Variants in LIMK2 observed in about 807,000 individuals in gnomAD.
LIMK2 encodes LIM domain kinase 2.
A neutral mutation model predicts 75.7 loss-of-function variants in LIMK2; 35 were observed. The ratio of observed to expected loss-of-function variants is 0.46; its 90% CI spans 0.35 to 0.61. The LOEUF (loss-of-function observed/expected upper bound fraction) is 0.61, where lower values mean the gene tolerates loss of function less well. LIMK2 is among the 20% of genes least tolerant of loss of function. LIMK2 has a pLI of 0.00. For synonymous variants in LIMK2, 301 were observed against 319.2 expected (o/e 0.94, Z 0.61); for missense variants, 623 against 831.0 (o/e 0.75, Z 3.08).
intron 11 of LIMK2, 119 bp downstream of exon 11, chr22:31,268,319 C>T (rs937237016): frequency 2.8e-5 from 23 of 821,060 alleles, no homozygotes; most frequent in Admixed American, 9.2e-5. Flanking sequence ...GGGTCAGCAG[C>T]TATTCATTGA....
At chr22:31,266,888 T>G in intron 8 of LIMK2, 96 bp from the exon 9 acceptor site, 1 of 843,180 alleles carries the variant, frequency 1.2e-6, no homozygotes, top group Non-Finnish European at 2.0e-6. Context: ...CAGTGTGCCC[T>G]CCAAGGGATG....
rs759932759 is a variant in LIMK2 at position 31,275,192 on chromosome 22, A to G, written c.1656A>G (p.Arg552=). ...QVYADPDCLP[R]TLDFGLNVKL... ...ATGCAGATCCTGACTGCCTTCCCCG[A>G]ACACTGGACTTTGGCCTCAACGTGA... The change falls in exon 15 of 16, where the codon CGA becomes CGG. Residue 552 remains arginine, a synonymous_variant. Coordinates refer to ENST00000331728, the MANE Select transcript of LIMK2 (RefSeq NM_005569.4). 2 of 1,614,168 alleles carry G rather than the reference A, an allele frequency of 1.2e-6. No individual in the cohort carries two copies. Among genetic ancestry groups the G allele is most frequent in the South Asian group, 2.2e-5 (2 of 91,086 alleles).
chr22:31,258,491 C>T, intron 3 of LIMK2, 65 bp downstream of exon 3: 1 of 1,534,162 alleles, frequency 6.5e-7, no homozygotes, highest in Non-Finnish European at 9.0e-7. Context: ...GCTTCCAGTT[C>T]CCTGTGGCCT....
At chr22:31,235,986 T>A (rs1176927219) in intron 2 of LIMK2, among the ~76,000 whole-genome samples, 1 of 152,250 alleles carries the variant, frequency 6.6e-6, no homozygotes, top group Non-Finnish European at 1.5e-5. Context: ...TTTGTGTGCT[T>A]CATTTTTCTC....
At chr22:31,274,396 G>GTTTTGT (rs768067008) in intron 14 of LIMK2, among the ~76,000 whole-genome samples, 8 of 152,008 alleles carry the variant, frequency 5.3e-5, no homozygotes, top group South Asian at 2.1e-4. Flanking sequence ...ATGAAGGAAT[G>GTTTTGT]TTTTGTTTTT....
chr22:31,220,654 A>G (rs1256359882), intron 1 of LIMK2, among the ~76,000 whole-genome samples: 2 of 152,200 alleles, frequency 1.3e-5, no homozygotes, highest in African/African-American at 4.8e-5. Flanking sequence ...AGGGAACTTT[A>G]AAGAAAGGAT....
chr22:31,251,043 C>T (rs1431350189), intron 2 of LIMK2, among the ~76,000 whole-genome samples: 1 of 152,182 alleles, frequency 6.6e-6, no homozygotes, highest in Non-Finnish European at 1.5e-5. Context: ...CCCATACACC[C>T]CTGCCTGACA....
intron 2 of LIMK2, among the ~76,000 whole-genome samples, chr22:31,246,183 G>GCACACACACACACACACACACACACA (rs57524309): frequency 9.0e-4 from 122 of 135,086 alleles, no homozygotes; most frequent in South Asian, 1.3e-3. Context: ...ACGCACGCAC[G>GCACACACACACACACACACACACACA]CACACACACA....
chr22:31,225,185 G>A (rs933202131), intron 1 of LIMK2, among the ~76,000 whole-genome samples: 2 of 152,174 alleles, frequency 1.3e-5, no homozygotes, highest in African/African-American at 4.8e-5. Context: ...AAAGGTTGAG[G>A]ACTGCTGATC....
intron 8 of LIMK2, 136 bp downstream of exon 8, chr22:31,266,268 G>T: frequency 1.2e-6 from 1 of 857,156 alleles, no homozygotes; most frequent in South Asian, 1.7e-5. Flanking sequence ...GGGTGTTGGT[G>T]TGAGAGGTAT....
At chr22:31,259,328 G>C in intron 4 of LIMK2, 98 bp downstream of exon 4, 1 of 713,190 alleles carries the variant, frequency 1.4e-6, no homozygotes, top group South Asian at 1.6e-5. Context: ...TGTTAGGGTA[G>C]TCAGAGCATT....
chr22:31,241,247 A>G (rs1444389409), intron 2 of LIMK2, among the ~76,000 whole-genome samples: 7 of 152,254 alleles, frequency 4.6e-5, no homozygotes, highest in Admixed American at 4.6e-4. Context: ...TCAAATGGCA[A>G]GAATAAAATA....
At chr22:31,231,714 A>G (rs974041004) in intron 2 of LIMK2, among the ~76,000 whole-genome samples, 1 of 152,246 alleles carries the variant, frequency 6.6e-6, no homozygotes, top group Non-Finnish European at 1.5e-5. Context: ...CAGAGGTAGA[A>G]AAATGGAGAG....
chr22:31,278,200 T>A (rs2049051261), intron 15 of LIMK2, 97 bp from the exon 16 acceptor site: 4 of 1,113,368 alleles, frequency 3.6e-6, no homozygotes, highest in Non-Finnish European at 5.2e-6. Flanking sequence ...TGCCTGACGT[T>A]ATACAACCAG....
chr22:31,258,697 G>A (rs972092811), intron 3 of LIMK2: 11 of 458,768 alleles, frequency 2.4e-5, no homozygotes, highest in African/African-American at 5.8e-5. Context: ...GACCTCCAAG[G>A]AGAGTGTTAC....
intron 15 of LIMK2, chr22:31,277,388 C>A: frequency 1.6e-6 from 2 of 1,260,504 alleles, no homozygotes; most frequent in Non-Finnish European, 2.0e-6. Flanking sequence ...TTTAATAAAG[C>A]GAGGTAGGGT....
In LIMK2 at chr22:31,222,052, C is replaced by T. The variant is rs371599148; in HGVS notation, c.17-3668C>T. Reference sequence around the variant, plus strand: ...GTGGGAAGTGAGGAAATGAGGGCAGCGATGTGTAGACAACTTTTTTTCTTT... The same window carrying T: ...GTGGGAAGTGAGGAAATGAGGGCAGTGATGTGTAGACAACTTTTTTTCTTT... On this transcript the variant is annotated intron_variant, in intron 1 of 15. Transcript: ENST00000331728. Among the ~76,000 whole-genome samples the T allele has an allele frequency of 8.5e-5, 13 of 152,116 alleles. No homozygotes were observed. In the East Asian group the frequency reaches 1.5e-3, roughly 18 times the overall value.
chr22:31,260,501 C>T (rs916125526), intron 5 of LIMK2, among the ~76,000 whole-genome samples: 1 of 152,086 alleles, frequency 6.6e-6, no homozygotes, highest in Non-Finnish European at 1.5e-5. Context: ...TTTTGTCAGT[C>T]GAGAGAATGA....
At chr22:31,267,653 T>C in intron 9 of LIMK2, 123 bp from the exon 10 acceptor site, 2 of 1,074,626 alleles carry the variant, frequency 1.9e-6, no homozygotes, top group South Asian at 1.6e-5. Flanking sequence ...CCCTGTCATA[T>C]CACAAGATAG....
Sources: allele counts gnomAD v4.1 joint callset (sites outside exome capture counted in the v4.1 genomes callset), GRCh38; gene constraint gnomAD v4.1.1; transcripts MANE v1.5; gene names NCBI Gene and HGNC (gene_info 2026-07-23, HGNC 2026-07-21).